The following MAGEA11 variants were observed in gnomAD, a reference collection of about 807,000 sequenced individuals.
The protein encoded by MAGEA11 is MAGE family member A11.
A neutral mutation model predicts 8.4 loss-of-function variants in MAGEA11; 1 was observed. The observed-to-expected ratio is 0.12, with a 90% CI of 0.04 to 0.57. The LOEUF is 0.57. MAGEA11 is among the 20% of genes least tolerant of loss of function. MAGEA11 has a pLI of 0.91. For missense variants in MAGEA11, 209 were observed against 317.3 expected (o/e 0.66, Z 2.59); for synonymous variants, 127 against 119.3 (o/e 1.06, Z -0.42).
chrX:149,698,335 G>T (rs1171054102), intron 1 of MAGEA11, among the ~76,000 whole-genome samples: 1 of 108,895 alleles, frequency 9.2e-6, no homozygotes, highest in African/African-American at 3.4e-5. Flanking sequence ...TTTTTAATTC[G>T]ACTTGTCTAG....
At chrX:149,710,677 G>A (rs2090396090), upstream of MAGEA11, among the ~76,000 whole-genome samples, 1 of 104,398 alleles carries the variant, frequency 9.6e-6, no homozygotes, top group Non-Finnish European at 2.0e-5. Context: ...ATGGGGTCTT[G>A]TTATGTAGTT....
intron 1 of MAGEA11, among the ~76,000 whole-genome samples, chrX:149,692,775 C>T (rs1260024165): frequency 3.6e-5 from 4 of 111,754 alleles, no homozygotes; most frequent in Non-Finnish European, 7.5e-5. Context: ...GGGAGGGACC[C>T]GGTGGGAGGT....
intron 1 of MAGEA11, among the ~76,000 whole-genome samples, chrX:149,701,594 T>G (rs781915284): frequency 9.1e-6 from 1 of 110,217 alleles, no homozygotes; most frequent in Non-Finnish European, 1.9e-5. Context: ...GTCAATTTCG[T>G]CTTTTGTTGC....
chrX:149,703,087 G>A (rs1032297779), intron 1 of MAGEA11, among the ~76,000 whole-genome samples: 21 of 111,340 alleles, frequency 1.9e-4, no homozygotes, highest in East Asian at 1.1e-3. Context: ...GAGAAAAGGG[G>A]CCTCAGCTTC....
chrX:149,694,607 C>T (rs183090918), intron 1 of MAGEA11, among the ~76,000 whole-genome samples: 51 of 112,569 alleles, frequency 4.5e-4, no homozygotes, highest in African/African-American at 1.4e-3. Flanking sequence ...AAATCTATTT[C>T]GAATCTTCTC....
chrX:149,693,618 C>T (rs1557360322), intron 1 of MAGEA11, among the ~76,000 whole-genome samples: 1 of 111,975 alleles, frequency 8.9e-6, no homozygotes, highest in Non-Finnish European at 1.9e-5. Context: ...AGTATGATTC[C>T]ATCATTTCAC....
At chrX:149,701,671 G>C (rs2090354172) in intron 1 of MAGEA11, among the ~76,000 whole-genome samples, 1 of 110,135 alleles carries the variant, frequency 9.1e-6, no homozygotes, top group African/African-American at 3.3e-5. Flanking sequence ...TAATGCCTAG[G>C]TTTTCTTCTA....
intron 1 of MAGEA11, among the ~76,000 whole-genome samples, chrX:149,699,017 G>T (rs1011460295): frequency 1.8e-5 from 2 of 111,367 alleles, no homozygotes; most frequent in African/African-American, 6.5e-5. Flanking sequence ...TCATTGATGG[G>T]CATTTGGGTT....
At chrX:149,713,093 GCC>G in intron 1 of MAGEA11, 48 bp from the exon 2 acceptor site, 2 of 811,597 alleles carry the variant, frequency 2.5e-6, no homozygotes, top group Non-Finnish European at 1.8e-6. Flanking sequence ...CCCCAGAACA[GCC>G]CCCCCCCATA....
chrX:149,710,654 T>C (rs2090395921), upstream of MAGEA11, among the ~76,000 whole-genome samples: 1 of 105,222 alleles, frequency 9.5e-6, no homozygotes, highest in African/African-American at 3.4e-5. Context: ...TCTTTCTTTC[T>C]TTTTTTTTTG....
At position 149,692,819 on chromosome X, in the gene MAGEA11, G is replaced by T. The variant is rs782260527; in HGVS notation, c.9+3835G>T. ...CATAAGGGCAGGTGTTTCCCCTGCT[G>T]TTCTCGTGATAGTGAATAAGTCTCA... On this transcript the variant is annotated intron_variant, in intron 1 of 3. Transcript: ENST00000333104. 7.2e-5 allele frequency among the ~76,000 whole-genome samples: 8 copies of T among 111,885 alleles called. No homozygotes were observed. The South Asian group carries it at 3.0e-3, about 42-fold the overall frequency.
chrX:149,695,737 CAAT>C (rs1557360493), intron 1 of MAGEA11, among the ~76,000 whole-genome samples: 1 of 112,228 alleles, frequency 8.9e-6, no homozygotes, highest in Non-Finnish European at 1.9e-5. Flanking sequence ...ATAAAAATGA[CAAT>C]AATGTGTTGA....
intron 1 of MAGEA11, 31 bp downstream of exon 1, chrX:149,712,193 C>G (rs1376379961): frequency 6.8e-6 from 5 of 734,633 alleles, no homozygotes; most frequent in Non-Finnish European, 8.0e-6. Flanking sequence ...GAGGAGTCCT[C>G]CTACCCAGAT....
chrX:149,710,598 G>A (rs1557361831), upstream of MAGEA11, among the ~76,000 whole-genome samples: 1 of 110,605 alleles, frequency 9.0e-6, no homozygotes, highest in African/African-American at 3.3e-5. Flanking sequence ...GCAGTCACAC[G>A]CCACCACACC....
chrX:149,711,949 C>A, upstream of MAGEA11: 1 of 437,799 alleles, frequency 2.3e-6, no homozygotes, highest in Non-Finnish European at 2.8e-6. Context: ...CGCCCCGCCT[C>A]GCCTCGCCCC....
intron 3 of MAGEA11, 108 bp downstream of exon 3, chrX:149,714,684 A>G: frequency 2.7e-6 from 3 of 1,098,394 alleles, no homozygotes; most frequent in Non-Finnish European, 3.6e-6. Context: ...GTGCAGGACT[A>G]TGTGCTGAGA....
intron 1 of MAGEA11, among the ~76,000 whole-genome samples, chrX:149,695,536 G>A (rs1252822129): frequency 8.9e-6 from 1 of 111,864 alleles, no homozygotes; most frequent in African/African-American, 3.3e-5. Context: ...AATACATAAG[G>A]AACATTTACA....
At chrX:149,707,224 A>G (rs1209455201), upstream of MAGEA11, among the ~76,000 whole-genome samples, 2 of 112,457 alleles carry the variant, frequency 1.8e-5, no homozygotes, top group African/African-American at 6.5e-5. Context: ...TATTCATTCC[A>G]TAAATGAATA....
intron 3 of MAGEA11, among the ~76,000 whole-genome samples, chrX:149,714,800 C>G (rs1557362287): frequency 8.9e-6 from 1 of 112,167 alleles, no homozygotes; most frequent in African/African-American, 3.2e-5. Flanking sequence ...TGACCAGAAT[C>G]AAGGTGGGGG....
Sources: allele counts gnomAD v4.1 joint callset (sites outside exome capture counted in the v4.1 genomes callset), GRCh38; gene constraint gnomAD v4.1.1; transcripts MANE v1.5; gene names NCBI Gene and HGNC (gene_info 2026-07-23, HGNC 2026-07-21).